SCARB2: variants seen among roughly 807,000 people sequenced by gnomAD.
The protein encoded by SCARB2 is scavenger receptor class B member 2.
SCARB2 carries 29 observed loss-of-function variants against 58.6 expected under a neutral mutation model. The ratio of observed to expected loss-of-function variants is 0.49; its 90% confidence interval spans 0.37 to 0.67. The LOEUF (loss-of-function observed/expected upper bound fraction) is 0.67, where lower values mean the gene tolerates loss of function less well. Ranked by LOEUF, SCARB2 falls within the 30% of genes least tolerant of loss-of-function variation. SCARB2 has a pLI of 0.00. For synonymous variants in SCARB2, 195 were observed against 210.1 expected, an observed-to-expected ratio of 0.93 and a Z score of 0.62; for missense variants, 488 against 578.5, an observed-to-expected ratio of 0.84 and a Z score of 1.60.
intron 2 of SCARB2, chr4:76,194,435 G>A (rs559805269): frequency 4.5e-4 from 69 of 152,214 alleles, no homozygotes; most frequent in African/African-American, 1.6e-3. Flanking sequence ...CCATTTTATA[G>A]ATAAGGAAAT....
intron 1 of SCARB2, among the ~76,000 whole-genome samples, chr4:76,227,400 G>C (rs1163951803): frequency 6.6e-6 from 1 of 152,104 alleles, no homozygotes; most frequent in East Asian, 1.9e-4. Context: ...TGGTTTGAGA[G>C]GGTACTTGAT....
chr4:76,188,582 T>C (rs1732535751), intron 2 of SCARB2, among the ~76,000 whole-genome samples: 1 of 152,212 alleles, frequency 6.6e-6, no homozygotes. Flanking sequence ...AGGGGCTACA[T>C]GCCCTCCCCT....
Position 76,158,966 on chromosome 4 carries a change from GC to G in SCARB2, c.*2746del, listed in dbSNP as rs1731838832. On this transcript the variant is annotated 3_prime_UTR_variant, in exon 12 of 12. Coordinates refer to ENST00000264896, the MANE Select transcript of SCARB2 (RefSeq NM_005506.4). ...CTCGAGCAGTTTAAATTAAAAATTA[GC>G]CTCCCTTAAGTTAAAAACCCCAATA... 1 of 152,152 alleles carries G rather than the reference GC, an allele frequency of 6.6e-6. No homozygotes were observed. The highest frequency in any genetic ancestry group is 1.9e-4 in the East Asian group (1 of 5,194). 9.4% of individuals were successfully genotyped at this position (152,152 alleles called of 1,614,324 possible).
chr4:76,213,141 C>T, intron 1 of SCARB2: 1 of 415,536 alleles, frequency 2.4e-6, no homozygotes, highest in Non-Finnish European at 4.5e-6. Context: ...GGGGTGTAGA[C>T]GGAAGGAGTG....
intron 9 of SCARB2, 129 bp from the exon 10 acceptor site, chr4:76,166,430 C>A: frequency 1.0e-6 from 1 of 968,606 alleles, no homozygotes. Context: ...TTGCTGATTT[C>A]TTAGTTATCT....
chr4:76,229,827 T>C (rs1733462897), intron 1 of SCARB2, among the ~76,000 whole-genome samples: 2 of 152,172 alleles, frequency 1.3e-5, no homozygotes, highest in African/African-American at 4.8e-5. Flanking sequence ...ATGCTAGCAG[T>C]GAAGTTTTTA....
intron 10 of SCARB2, chr4:76,165,441 GACTTATCAGTAATTT>G (rs898671349): frequency 2.2e-4 from 34 of 152,138 alleles, no homozygotes; most frequent in African/African-American, 7.9e-4. Flanking sequence ...GATAGAGAGG[GACTTATCAGTAATTT>G]ACTTTTTAAA....
intron 1 of SCARB2, among the ~76,000 whole-genome samples, chr4:76,226,795 T>C (rs1733406011): frequency 6.6e-6 from 1 of 152,218 alleles, no homozygotes; most frequent in Non-Finnish European, 1.5e-5. Flanking sequence ...CTCTAGATTT[T>C]CTAGTTTGTG....
intron 1 of SCARB2, among the ~76,000 whole-genome samples, chr4:76,197,531 A>C (rs935130195): frequency 6.7e-6 from 1 of 149,814 alleles, no homozygotes; most frequent in Non-Finnish European, 1.5e-5. Context: ...GCACACCCAC[A>C]TATTATTGTT....
At position 76,180,419 on chromosome 4, in the gene SCARB2, CAGTAT is replaced by C. The variant is rs567080773; in HGVS notation, c.423+530_423+534del. ...AAAAAAAAGAAAGTCTCATGGGTCT[CAGTAT>C]AGAATAGATGTAGAATAGGTGTCGT... On this transcript the variant is annotated intron_variant, in intron 3 of 11. Coordinates refer to ENST00000264896, the MANE Select transcript of SCARB2 (RefSeq NM_005506.4). 596 of 151,986 alleles carry C rather than the reference CAGTAT, an allele frequency of 3.9e-3. 3 individuals are homozygous for C. Among genetic ancestry groups the C allele is most frequent in the Non-Finnish European group, 6.1e-3 (413 of 67,998 alleles). The allele number at this position is 151,986 out of a possible 1,614,324, so 9.4% of individuals were successfully genotyped here.
intron 1 of SCARB2, among the ~76,000 whole-genome samples, chr4:76,199,284 GT>G (rs1408407053): frequency 6.6e-6 from 1 of 152,240 alleles, no homozygotes; most frequent in Non-Finnish European, 1.5e-5. Context: ...TGAGGGTAGA[GT>G]TGCCAGATTT....
upstream of SCARB2, chr4:76,217,630 T>G: frequency 1.5e-6 from 1 of 651,544 alleles, no homozygotes; most frequent in South Asian, 1.7e-5. Flanking sequence ...GTGCCGTGCG[T>G]CTTGTCCAGC....
chr4:76,172,113 TAAC>T (rs1732142831), intron 7 of SCARB2, among the ~76,000 whole-genome samples: 1 of 148,728 alleles, frequency 6.7e-6, no homozygotes, highest in Non-Finnish European at 1.5e-5. Context: ...ACTCATATAT[TAAC>T]AAATATATTA....
chr4:76,208,808 C>T (rs993373756), intron 1 of SCARB2, among the ~76,000 whole-genome samples: 8 of 152,102 alleles, frequency 5.3e-5, no homozygotes, highest in African/African-American at 1.7e-4. Flanking sequence ...AGCCAAGAAG[C>T]GGGATACATT....
chr4:76,174,258 G>A lies in SCARB2; in HGVS notation c.880C>T (p.Arg294Trp), dbSNP rs796052947. 5.6e-6 allele frequency: 9 copies of A among 1,614,122 alleles called. No homozygotes were observed. Among genetic ancestry groups the A allele is most frequent in the Non-Finnish European group, 7.6e-6 (9 of 1,179,990 alleles). ...AATATTTCTGCAGGAACTTTATACC[G>A]AAAGGCAGGCAGTCCCTGTACACTC... Reference protein sequence around the residue: ...YESVQGLPAFRYKVPAEILAN... With the variant: ...YESVQGLPAFWYKVPAEILAN... The change falls in exon 7 of 12, where the codon CGG becomes TGG. Residue 294 changes from arginine to tryptophan, a missense_variant. Arg to Trp is a moderately radical substitution (Grantham distance 101). Transcript: ENST00000264896.
Position 76,161,597 on chromosome 4 carries a change from G to T in SCARB2, c.*116C>A. 1 of 1,079,512 alleles carries T rather than the reference G, an allele frequency of 9.3e-7. No homozygotes were observed. Among genetic ancestry groups the T allele is most frequent in the Non-Finnish European group, 1.4e-6 (1 of 695,000 alleles). The allele number at this position is 1,079,512 out of a possible 1,614,324, so 66.9% of individuals were successfully genotyped here. On this transcript the variant is annotated 3_prime_UTR_variant, in exon 12 of 12. Coordinates refer to ENST00000264896, the MANE Select transcript of SCARB2 (RefSeq NM_005506.4). ...AATGTTCCTATCACTTGCCAGCGCC[G>T]TGTCTTTTTCCTTCTTTCAACAGGC...
Position 76,185,984 on chromosome 4 carries a change from C to T in SCARB2, c.276-4883G>A, listed in dbSNP as rs1277886751. Among the ~76,000 whole-genome samples the T allele has an allele frequency of 2.0e-5, 3 of 152,206 alleles. No individual in the cohort carries two copies. The East Asian group carries it at 5.8e-4, about 29-fold the overall frequency. On this transcript the variant is annotated intron_variant, in intron 2 of 11. Transcript: ENST00000264896. ...TCCAGTTACAACACTACCTGGCACA[C>T]CTGCTGCTTAGGAGGGATTAGCTAC...
At chr4:76,208,809 G>A (rs894249) in intron 1 of SCARB2, among the ~76,000 whole-genome samples, 7,645 of 152,250 alleles carry the variant, frequency 0.05, 615 homozygotes, top group African/African-American at 0.17. Flanking sequence ...GCCAAGAAGC[G>A]GGATACATTG....
At chr4:76,198,871 T>TGTGTGC (rs1340998357) in intron 1 of SCARB2, among the ~76,000 whole-genome samples, 1 of 151,632 alleles carries the variant, frequency 6.6e-6, no homozygotes, top group African/African-American at 2.4e-5. Context: ...TGTGTGTGTG[T>TGTGTGC]GTGCTCATGC....
Sources: allele counts gnomAD v4.1 joint callset (sites outside exome capture counted in the v4.1 genomes callset), GRCh38; gene constraint gnomAD v4.1.1; transcripts MANE v1.5; gene names NCBI Gene and HGNC (gene_info 2026-07-23, HGNC 2026-07-21).